Variants in WNK1 observed in about 807,000 individuals in gnomAD.
WNK1 encodes the protein WNK lysine deficient protein kinase 1, also known as serine/threonine-protein kinase WNK1.
In WNK1, 38 loss-of-function variants were observed where a neutral mutation model predicts 222.8. The ratio of observed to expected loss-of-function variants is 0.17; its 90% confidence interval spans 0.13 to 0.22. The LOEUF (loss-of-function observed/expected upper bound fraction) is 0.22, where lower values mean the gene tolerates loss of function less well. Among genes scored for constraint, WNK1 ranks in the 10% least tolerant of loss-of-function variants. The pLI, the probability that WNK1 is intolerant of heterozygous loss-of-function variation, is 1.00. For missense variants in WNK1, 2,348 were observed against 2,918.4 expected, an observed-to-expected ratio of 0.80 and a Z score of 4.50; for synonymous variants, 1,090 against 1,092.9, an observed-to-expected ratio of 1.00 and a Z score of 0.05.
At chr12:774,566 T>C (rs531936419) in intron 1 of WNK1, among the ~76,000 whole-genome samples, 8 of 152,338 alleles carry the variant, frequency 5.3e-5, no homozygotes, top group African/African-American at 1.9e-4. Context: ...ATTTCACTGT[T>C]TAGAACTATT....
At chr12:794,306 C>T (rs1324001531) in intron 1 of WNK1, among the ~76,000 whole-genome samples, 1 of 152,102 alleles carries the variant, frequency 6.6e-6, no homozygotes, top group Non-Finnish European at 1.5e-5. Flanking sequence ...TATGGTAATT[C>T]TGTTGAACCT....
rs1314309526 is a variant in WNK1, at chr12:882,034, A to T, written c.3333A>T (p.Arg1111=). ...HYRKSVRSRS[R]HEKTSRPKLR... ...GAAAATCTGTAAGGAGTCGCTCTCG[A>T]CATGAAAAAACTTCACGCCCAAAAT... The change falls in exon 14 of 28, where the codon CGA becomes CGT. Residue 1111 remains arginine (R), a synonymous_variant. Coordinates refer to ENST00000315939, the MANE Select transcript of WNK1 (RefSeq NM_018979.4). 1.9e-6 allele frequency: 3 copies of T among 1,613,980 alleles called. No individual in the cohort carries two copies. The Admixed American group carries it at 5.0e-5, about 27-fold the overall frequency.
intron 25 of WNK1, among the ~76,000 whole-genome samples, chr12:898,906 A>C (rs933192177): frequency 1.3e-5 from 2 of 151,894 alleles, no homozygotes; most frequent in African/African-American, 4.8e-5. Context: ...ATGCCTGGCT[A>C]ATTTTTGTAT....
At chr12:842,287 T>C (rs898648382) in intron 4 of WNK1, among the ~76,000 whole-genome samples, 3 of 152,102 alleles carry the variant, frequency 2.0e-5, no homozygotes, top group African/African-American at 7.2e-5. Context: ...TTTATATTAA[T>C]GGCAAAAAAC....
At position 868,952 on chromosome 12, in the gene WNK1, C is replaced by T; in HGVS notation, c.2140-2313C>T. The T allele has an allele frequency of 6.3e-7, 1 of 1,588,352 alleles. No homozygotes were observed. Among genetic ancestry groups the T allele is most frequent in the Non-Finnish European group, 8.6e-7 (1 of 1,167,290 alleles). Reference sequence around the variant, plus strand: ...TCCCCCTACAGGGGGAGCAGCTGCACCTTTTGGCTCTGACGTCTCAATGCC... The same window carrying T: ...TCCCCCTACAGGGGGAGCAGCTGCATCTTTTGGCTCTGACGTCTCAATGCC... On this transcript the variant is annotated intron_variant, in intron 8 of 27. Transcript: ENST00000315939.
chr12:774,166 T>C (rs186458763), intron 1 of WNK1, among the ~76,000 whole-genome samples: 22 of 152,326 alleles, frequency 1.4e-4, no homozygotes, highest in Non-Finnish European at 2.4e-4. Flanking sequence ...AAGGTTTCTT[T>C]AAGGCCTCGT....
At chr12:810,179 G>A (rs1946774862) in intron 1 of WNK1, among the ~76,000 whole-genome samples, 1 of 152,084 alleles carries the variant, frequency 6.6e-6, no homozygotes, top group Admixed American at 6.5e-5. Flanking sequence ...CCCGGGAGGT[G>A]GAGGTTGCAG....
chr12:767,374 T>A (rs544924392), intron 1 of WNK1, among the ~76,000 whole-genome samples: 4 of 150,466 alleles, frequency 2.7e-5, no homozygotes, highest in African/African-American at 9.7e-5. Context: ...TGCCTCAGCC[T>A]GCTGAGTAGC....
chr12:906,123 A>C (rs1275098516), intron 26 of WNK1, among the ~76,000 whole-genome samples: 1 of 152,206 alleles, frequency 6.6e-6, no homozygotes, highest in African/African-American at 2.4e-5. Context: ...TGAAAGCAGG[A>C]TAACGCATGC....
intron 1 of WNK1, among the ~76,000 whole-genome samples, chr12:808,461 T>C (rs1946583945): frequency 6.6e-6 from 1 of 152,098 alleles, no homozygotes; most frequent in Admixed American, 6.6e-5. Flanking sequence ...GTTGCCTTTG[T>C]CCACATGTTC....
rs72650728 is a variant in WNK1 at position 884,518 on chromosome 12, A to G, written c.3845-131A>G. ...ATTTCTGCACTTAGTACTGTTGTCT[A>G]TGTTTTAAGATTACTCCATATTTTT... On this transcript the variant is annotated intron_variant, in intron 18 of 27. Coordinates refer to ENST00000315939, the MANE Select transcript of WNK1 (RefSeq NM_018979.4). The surrounding 1 kb of genome is among the most constrained non-coding windows in gnomAD (Gnocchi z 5.6). 6,690 of 1,006,314 alleles carry G rather than the reference A, an allele frequency of 6.6e-3. 477 individuals carry two copies. The Admixed American group carries it at 0.13, about 19-fold the overall frequency. 62.3% of individuals were successfully genotyped at this position (1,006,314 alleles called of 1,614,324 possible). A position where few individuals can be genotyped will look rare whatever the true frequency, so the allele number is the denominator to read the frequency against.
intron 4 of WNK1, among the ~76,000 whole-genome samples, chr12:850,879 T>C (rs1950371767): frequency 6.6e-6 from 1 of 152,208 alleles, no homozygotes; most frequent in Non-Finnish European, 1.5e-5. Flanking sequence ...CAGATGGTTG[T>C]AGATATGTGG....
intron 1 of WNK1, among the ~76,000 whole-genome samples, chr12:786,339 G>T: frequency 6.6e-6 from 1 of 152,064 alleles, no homozygotes; most frequent in East Asian, 1.9e-4. Flanking sequence ...TGTTATATAC[G>T]TAAATAATTG....
At chr12:823,529 C>T (rs1324008264) in intron 2 of WNK1, among the ~76,000 whole-genome samples, 3 of 152,084 alleles carry the variant, frequency 2.0e-5, no homozygotes, top group East Asian at 1.9e-4. Context: ...TCTGTGTGTT[C>T]GCATATGCTG....
At chr12:840,408 A>G (rs546348081) in intron 4 of WNK1, among the ~76,000 whole-genome samples, 1 of 151,258 alleles carries the variant, frequency 6.6e-6, no homozygotes, top group East Asian at 1.9e-4. Flanking sequence ...CTGGGATTAC[A>G]TTTACGAGTA....
At chr12:771,966 T>C (rs1270994830) in intron 1 of WNK1, among the ~76,000 whole-genome samples, 1 of 152,026 alleles carries the variant, frequency 6.6e-6, no homozygotes, top group Non-Finnish European at 1.5e-5. Flanking sequence ...TGCAGAAGCT[T>C]ACTTTTTTTT....
intron 8 of WNK1, among the ~76,000 whole-genome samples, chr12:863,034 T>G (rs1951336623): frequency 6.6e-6 from 1 of 152,138 alleles, no homozygotes; most frequent in Non-Finnish European, 1.5e-5. Flanking sequence ...TAATACCCCA[T>G]TTCTTTTGTT....
intron 1 of WNK1, among the ~76,000 whole-genome samples, chr12:812,085 G>A (rs750090998): frequency 6.6e-6 from 1 of 152,034 alleles, no homozygotes; most frequent in African/African-American, 2.4e-5. Context: ...TTCCCTCTAT[G>A]CTTTGCTATA....
rs199914798 is a variant in WNK1 at position 883,779 on chromosome 12, G to C, written c.3669G>C (p.Leu1223Phe). ...ATCACTTTTGTTTGTTGTAGAAATT[G>C]GAAGGAGAGTTCAAACAACCAATTC... is the stretch of plus-strand genomic sequence containing the variant. ...DDYGFSGSQK[L>F]EGEFKQPIPA... is the part of the protein sequence containing the mutation. Residue 1223 changes from leucine to phenylalanine, a missense_variant, in exon 17 of 28, where the codon TTG becomes TTC. Coordinates refer to ENST00000315939, the MANE Select transcript of WNK1 (RefSeq NM_018979.4). The C allele has an allele frequency of 2.5e-6, 4 of 1,614,064 alleles. No individual in the cohort carries two copies. The South Asian group carries it at 4.4e-5, about 18-fold the overall frequency.
Sources: allele counts gnomAD v4.1 joint callset (sites outside exome capture counted in the v4.1 genomes callset), GRCh38; gene constraint gnomAD v4.1.1; non-coding constraint Gnocchi (gnomAD v3.1); transcripts MANE v1.5; gene names NCBI Gene and HGNC (gene_info 2026-07-23, HGNC 2026-07-21).